The following TBCD variants were observed in gnomAD, a reference collection of about 807,000 sequenced individuals.
TBCD encodes tubulin-specific chaperone D.
TBCD carries 105 observed loss-of-function variants against 169.3 expected under a neutral mutation model. The observed-to-expected ratio is 0.62, with a 90% CI of 0.53 to 0.73. The LOEUF (loss-of-function observed/expected upper bound fraction) is 0.73, where lower values mean the gene tolerates loss of function less well. Ranked by LOEUF, TBCD falls within the 30% of genes least tolerant of loss-of-function variation. TBCD has a pLI of 0.00. For synonymous variants in TBCD, 700 were observed against 643.9 expected, an observed-to-expected ratio of 1.09 and a Z score of -1.32; for missense variants, 1,444 against 1,600.1, an observed-to-expected ratio of 0.90 and a Z score of 1.66.
At chr17:82,819,066 G>GA (rs917694111) in intron 13 of TBCD, among the ~76,000 whole-genome samples, 26 of 151,926 alleles carry the variant, frequency 1.7e-4, no homozygotes, top group African/African-American at 2.7e-4. Context: ...TCAAAAAAAA[G>GA]AAAAAAAAGC....
chr17:82,777,526 G>T (rs1253746652), intron 6 of TBCD, among the ~76,000 whole-genome samples: 1 of 152,244 alleles, frequency 6.6e-6, no homozygotes, highest in Non-Finnish European at 1.5e-5. Context: ...GGTAGGTAAG[G>T]TCTCGTGGGT....
chr17:82,907,716 G>C, intron 20 of TBCD, 45 bp from the exon 21 acceptor site: 1 of 1,609,338 alleles, frequency 6.2e-7, no homozygotes, highest in Non-Finnish European at 8.5e-7. Context: ...TCGGGGTTAG[G>C]GTCTTGGGGA....
At chr17:82,919,448 G>A (rs566277288) in intron 23 of TBCD, among the ~76,000 whole-genome samples, 1 of 152,220 alleles carries the variant, frequency 6.6e-6, no homozygotes, top group Non-Finnish European at 1.5e-5. Context: ...TTCTACAGTC[G>A]AAAAGGTAAA....
intron 13 of TBCD, among the ~76,000 whole-genome samples, chr17:82,837,164 A>G (rs1367739048): frequency 6.6e-6 from 1 of 152,230 alleles, no homozygotes; most frequent in Non-Finnish European, 1.5e-5. Context: ...TTGCTTTGGT[A>G]AGCTTTCAAA....
chr17:82,879,094 CT>C (rs2058176788), intron 14 of TBCD, among the ~76,000 whole-genome samples: 5 of 118,926 alleles, frequency 4.2e-5, no homozygotes, highest in Admixed American at 9.0e-5. Flanking sequence ...TTTCCTGAGC[CT>C]TTTTTCTTTC....
intron 13 of TBCD, among the ~76,000 whole-genome samples, chr17:82,850,967 A>G (rs1418951026): frequency 6.6e-6 from 1 of 152,270 alleles, no homozygotes. Flanking sequence ...TGCACATACA[A>G]TATTTCAACA....
chr17:82,887,168 T>TGTGTGTGTGTGTGCGCGC lies in TBCD; in HGVS notation c.1534-2499_1534-2498insTGTGTGTGTGTGCGCGCG. On this transcript the variant is annotated intron_variant, in intron 15 of 38. Coordinates refer to ENST00000355528, the MANE Select transcript of TBCD (RefSeq NM_005993.5). The stretch of plus-strand genomic sequence containing the variant: ...GTGTGTGTGTGTGTGTGTGTGTGTG[T>TGTGTGTGTGTGTGCGCGC]GCGCGCGCGCGCACGTGCGCTCACG... Among the ~76,000 whole-genome samples, 345 of 126,120 alleles carry TGTGTGTGTGTGTGCGCGC rather than the reference T, an allele frequency of 2.7e-3. 4 individuals carry two copies. Among genetic ancestry groups the TGTGTGTGTGTGTGCGCGC allele is most frequent in the Middle Eastern group, 8.1e-3 (2 of 246 alleles). The allele number at this position is 126,120 out of a possible 152,430, so 82.7% of individuals were successfully genotyped here.
At position 82,906,032 on chromosome 17, in the gene TBCD, A is replaced by T; in HGVS notation, c.1901A>T (p.Lys634Ile). 6.2e-7 allele frequency: 1 copy of T among 1,609,662 alleles called. No homozygotes were observed. The highest frequency in any genetic ancestry group is 8.5e-7 in the Non-Finnish European group (1 of 1,178,022). The change falls in exon 20 of 39, where the codon AAA becomes ATA. Residue 634 changes from lysine (K) to isoleucine (I), a missense_variant. Lys to Ile is a moderately radical substitution (Grantham distance 102, BLOSUM62 -3). Coordinates refer to ENST00000355528, the MANE Select transcript of TBCD (RefSeq NM_005993.5). ...ACAEVAYALY[K>I]LAAQENRPVT... ...GCAGAAGTTGCTTACGCCTTGTACAAACTTGCAGCCCAAGAGAACAGGTAG... is the reference window on the plus strand; with the variant it reads ...GCAGAAGTTGCTTACGCCTTGTACATACTTGCAGCCCAAGAGAACAGGTAG...
chr17:82,930,693 C>T lies in TBCD; in HGVS notation c.3113+50C>T. ...AGAGGCGTGAGTGGTGCTGGTGCCT[C>T]TCACCACGTTCCCACAGATTCCCGG... is the stretch of plus-strand genomic sequence containing the variant. On this transcript the variant is annotated intron_variant, in intron 33 of 38. Coordinates refer to ENST00000355528, the MANE Select transcript of TBCD (RefSeq NM_005993.5). This position sits in a 1 kb window ranked among gnomAD's most constrained non-coding sequence, Gnocchi z 5.2. The T allele has an allele frequency of 6.2e-7, 1 of 1,611,838 alleles. No individual in the cohort carries two copies. The highest frequency in any genetic ancestry group is 1.1e-5 in the South Asian group (1 of 90,922).
rs2451217 is a variant in TBCD, at chr17:82,752,402, G to C, written c.184+25G>C. 542,768 of 1,212,358 alleles carry C rather than the reference G, an allele frequency of 0.45. 122,677 individuals carry two copies. The highest frequency in any genetic ancestry group is 0.54 in the East Asian group (15,491 of 28,802). 75.1% of individuals were successfully genotyped at this position (1,212,358 alleles called of 1,614,324 possible). On this transcript the variant is annotated intron_variant, in intron 1 of 38. Coordinates refer to ENST00000355528, the MANE Select transcript of TBCD (RefSeq NM_005993.5). ...GGTGCGTGGGCGGCGCCGCGTGCCCGCTTCCTCCCCCGGCCCGGGTTCGGC... is the reference window on the plus strand; with the variant it reads ...GGTGCGTGGGCGGCGCCGCGTGCCCCCTTCCTCCCCCGGCCCGGGTTCGGC...
chr17:82,758,036 T>G (rs1249392243), intron 2 of TBCD, among the ~76,000 whole-genome samples: 1 of 152,192 alleles, frequency 6.6e-6, no homozygotes, highest in Non-Finnish European at 1.5e-5. Context: ...ATATTAACAC[T>G]TGTTGTGAGC....
At chr17:82,758,848 A>T (rs1341377579) in intron 2 of TBCD, among the ~76,000 whole-genome samples, 2 of 151,010 alleles carry the variant, frequency 1.3e-5, no homozygotes, top group Non-Finnish European at 2.9e-5. Context: ...TTTAGTAGAG[A>T]CAGGGTTTCA....
intron 37 of TBCD, among the ~76,000 whole-genome samples, chr17:82,940,060 G>A (rs999906049): frequency 6.6e-6 from 1 of 152,138 alleles, no homozygotes; most frequent in Non-Finnish European, 1.5e-5. Context: ...TGTGTGTATT[G>A]AGTTGGGGGT....
chr17:82,777,531 G>T (rs987934608), intron 6 of TBCD, among the ~76,000 whole-genome samples: 3 of 152,388 alleles, frequency 2.0e-5, no homozygotes, highest in Non-Finnish European at 4.4e-5. Flanking sequence ...GTAAGGTCTC[G>T]TGGGTCACGT....
At position 82,752,268 on chromosome 17, in the gene TBCD, G is replaced by C; in HGVS notation, c.75G>C (p.Ala25=). ...EAEDETLAFG[A]ALEAFGESAE... is the part of the protein sequence containing the mutation. ...AGGACGAGACACTGGCCTTTGGCGCGGCGCTGGAAGCGTTCGGCGAGAGCG... is the reference window on the plus strand; with the variant it reads ...AGGACGAGACACTGGCCTTTGGCGCCGCGCTGGAAGCGTTCGGCGAGAGCG... Residue 25 remains alanine (A), a synonymous_variant, in exon 1 of 39, where the codon GCG becomes GCC. Coordinates refer to ENST00000355528, the MANE Select transcript of TBCD (RefSeq NM_005993.5). 6.6e-7 allele frequency: 1 copy of C among 1,519,406 alleles called. No homozygotes were observed. The highest frequency in any genetic ancestry group is 8.8e-7 in the Non-Finnish European group (1 of 1,138,678). 94.1% of individuals were successfully genotyped at this position (1,519,406 alleles called of 1,614,324 possible).
Position 82,828,677 on chromosome 17 carries a change from C to G in TBCD, c.1318+13743C>G, listed in dbSNP as rs571482981. 4.6e-5 allele frequency among the ~76,000 whole-genome samples: 7 copies of G among 151,474 alleles called. No individual in the cohort carries two copies. In the South Asian group the frequency reaches 1.5e-3, roughly 32 times the overall value. Reference sequence around the variant, plus strand: ...GCAGATATGTACACATGCACACCCACAGAATCGAGTGTGCACACACCCATA... The same window carrying G: ...GCAGATATGTACACATGCACACCCAGAGAATCGAGTGTGCACACACCCATA... On this transcript the variant is annotated intron_variant, in intron 13 of 38. Coordinates refer to ENST00000355528, the MANE Select transcript of TBCD (RefSeq NM_005993.5).
chr17:82,816,780 C>T (rs2051946835), intron 13 of TBCD, among the ~76,000 whole-genome samples: 1 of 151,322 alleles, frequency 6.6e-6, no homozygotes, highest in African/African-American at 2.4e-5. Flanking sequence ...TGAAGCAGTC[C>T]ACCCGCCTTG....
intron 33 of TBCD, among the ~76,000 whole-genome samples, chr17:82,931,444 C>G (rs2062195260): frequency 6.6e-6 from 1 of 152,266 alleles, no homozygotes; most frequent in African/African-American, 2.4e-5. Context: ...TCACCATAGC[C>G]TCAGCCCATG....
intron 28 of TBCD, 117 bp from the exon 29 acceptor site, chr17:82,927,057 ATCTACCCGAGGG>A: frequency 7.6e-7 from 1 of 1,308,654 alleles, no homozygotes; most frequent in Middle Eastern, 1.9e-4. Flanking sequence ...TGTGTTTCTG[ATCTACCCGAGGG>A]TCCTGGACTG....
Sources: allele counts gnomAD v4.1 joint callset (sites outside exome capture counted in the v4.1 genomes callset), GRCh38; gene constraint gnomAD v4.1.1; non-coding constraint Gnocchi (gnomAD v3.1); transcripts MANE v1.5; gene names NCBI Gene and HGNC (gene_info 2026-07-23, HGNC 2026-07-21).